Variants in LZIC observed in about 807,000 individuals in gnomAD.
LZIC encodes the protein leucine zipper and CTNNBIP1 domain containing, also known as protein LZIC.
A neutral mutation model predicts 25.4 loss-of-function variants in LZIC; 28 were observed. The ratio of observed to expected loss-of-function variants is 1.10; its 90% CI spans 0.82 to 1.51. The LOEUF is 1.51. Among genes scored for constraint, LZIC ranks in the 40% most tolerant of loss-of-function variants. The pLI, the probability that LZIC is intolerant of heterozygous loss-of-function variation, is 0.00. For synonymous variants in LZIC, 65 were observed against 70.7 expected (o/e 0.92, Z 0.40); for missense variants, 170 against 211.1 (o/e 0.81, Z 1.21).
In LZIC at chr1:9,930,010, G is replaced by C; in HGVS notation, c.*389C>G. The C allele has an allele frequency of 1.0e-6, 1 of 1,001,704 alleles. No homozygotes were observed. The highest frequency in any genetic ancestry group is 1.2e-6 in the Non-Finnish European group (1 of 839,140). 62.1% of individuals were successfully genotyped at this position (1,001,704 alleles called of 1,614,324 possible). ...TGAAGTCTATTGAGCTTGCGTCACT[G>C]TTCACTCCAATGAGTGGGGATAAGT... On this transcript the variant is annotated 3_prime_UTR_variant, in exon 8 of 8. Coordinates refer to ENST00000377223, the MANE Select transcript of LZIC (RefSeq NM_032368.5).
rs777122285 is a variant in LZIC, at chr1:9,926,293, G to T, written c.*4106C>A. On this transcript the variant is annotated 3_prime_UTR_variant, in exon 8 of 8. Coordinates refer to ENST00000377223, the MANE Select transcript of LZIC (RefSeq NM_032368.5). Reference sequence around the variant, plus strand: ...TAAAAAAGAAAAACGTGGACAGAAAGGTGGTTGAAAGGCTCTAGGCAAAAT... The same window carrying T: ...TAAAAAAGAAAAACGTGGACAGAAATGTGGTTGAAAGGCTCTAGGCAAAAT... Among the ~76,000 whole-genome samples, 2 of 152,154 alleles carry T rather than the reference G, an allele frequency of 1.3e-5. No homozygotes were observed. Among genetic ancestry groups the T allele is most frequent in the Non-Finnish European group, 2.9e-5 (2 of 68,030 alleles).
At chr1:9,937,102 A>G (rs2101603015) in intron 2 of LZIC, among the ~76,000 whole-genome samples, 1 of 148,840 alleles carries the variant, frequency 6.7e-6, no homozygotes, top group South Asian at 2.1e-4. Context: ...CCATCTCTAA[A>G]GAGAAAAAAA....
downstream of LZIC, among the ~76,000 whole-genome samples, chr1:9,925,261 C>A (rs1004250025): frequency 1.3e-5 from 2 of 151,984 alleles, no homozygotes; most frequent in Non-Finnish European, 2.9e-5. Context: ...TGCGGCAAGC[C>A]GAGATCGGGC....
intron 2 of LZIC, among the ~76,000 whole-genome samples, chr1:9,942,290 T>C (rs1020797922): frequency 1.3e-5 from 2 of 152,228 alleles, no homozygotes; most frequent in Non-Finnish European, 2.9e-5. Context: ...CGTTATCTCC[T>C]CTGACTAAAC....
At chr1:9,937,092 C>T (rs1570645624) in intron 2 of LZIC, among the ~76,000 whole-genome samples, 1 of 150,734 alleles carries the variant, frequency 6.6e-6, no homozygotes, top group Non-Finnish European at 1.5e-5. Flanking sequence ...GGGGGAAACC[C>T]CATCTCTAAA....
rs1273314154 is a variant in LZIC, at chr1:9,927,707, C to T, written c.*2692G>A. 1.5e-5 allele frequency among the ~76,000 whole-genome samples: 2 copies of T among 134,864 alleles called. No individual in the cohort carries two copies. The highest frequency in any genetic ancestry group is 2.8e-5 in the African/African-American group (1 of 35,464). The allele number at this position is 134,864 out of a possible 152,430, so 88.5% of individuals were successfully genotyped here. On this transcript the variant is annotated 3_prime_UTR_variant, in exon 8 of 8. Coordinates refer to ENST00000377223, the MANE Select transcript of LZIC (RefSeq NM_032368.5). ...TTTTTTTTTTTTTTTTTTTTGAGAC[C>T]GTGTCTCAGTCTGTCGCCCAGGCTG...
At chr1:9,939,931 C>T (rs537707296) in intron 2 of LZIC, among the ~76,000 whole-genome samples, 122 of 151,988 alleles carry the variant, frequency 8.0e-4, no homozygotes, top group African/African-American at 2.7e-3. Context: ...CCAGCCTGGC[C>T]GACACGGCGA....
intron 3 of LZIC, 56 bp from the exon 4 acceptor site, chr1:9,935,683 C>A (rs1640423847): frequency 2.7e-6 from 4 of 1,465,098 alleles, no homozygotes; most frequent in Non-Finnish European, 3.7e-6. Context: ...GTGAAAAATG[C>A]AATCTTAATA....
rs1004764952 is a variant in LZIC at position 9,943,264 on chromosome 1, A to T, written c.-183T>A. ...CCGGGCCTACCTGACAAAAACTGGG[A>T]CAACCTCCTTAGGCCCCCGGGATTC... On this transcript the variant is annotated 5_prime_UTR_variant, in exon 1 of 8. Transcript: ENST00000377223. 1 of 157,088 alleles carries T rather than the reference A, an allele frequency of 6.4e-6. No individual in the cohort carries two copies. 9.7% of individuals were successfully genotyped at this position (157,088 alleles called of 1,614,324 possible).
rs374140215 is a variant in LZIC at position 9,937,512 on chromosome 1, T to C, written c.-8-885A>G. ...GTGAGCTGAGATCACGCCACTGCAC[T>C]CCAGCTTGGGCAACAGAGTGAGACT... On this transcript the variant is annotated intron_variant, in intron 2 of 7. Coordinates refer to ENST00000377223, the MANE Select transcript of LZIC (RefSeq NM_032368.5). Among the ~76,000 whole-genome samples the C allele has an allele frequency of 7.3e-4, 111 of 151,682 alleles. 1 individual carries two copies. Among genetic ancestry groups the C allele is most frequent in the African/African-American group, 2.4e-3 (99 of 41,352 alleles).
rs1640119427 is a variant in LZIC, at chr1:9,929,392, AT to A, written c.*1006del. 1 of 985,370 alleles carries A rather than the reference AT, an allele frequency of 1.0e-6. No individual in the cohort carries two copies. 61.0% of individuals were successfully genotyped at this position (985,370 alleles called of 1,614,324 possible). A position where few individuals can be genotyped will look rare whatever the true frequency, so the allele number is the denominator to read the frequency against. ...CTAAAAAATAAGCTAATATACACGC[AT>A]AGGGACACATCTGCATATTTGAGCA... On this transcript the variant is annotated 3_prime_UTR_variant, in exon 8 of 8. Coordinates refer to ENST00000377223, the MANE Select transcript of LZIC (RefSeq NM_032368.5).
At chr1:9,925,789 C>T (rs1285748357), downstream of LZIC, among the ~76,000 whole-genome samples, 1 of 151,534 alleles carries the variant, frequency 6.6e-6, no homozygotes, top group Non-Finnish European at 1.5e-5. Flanking sequence ...AGGGTTTCAC[C>T]ATATTGGCCA....
downstream of LZIC, chr1:9,922,496 G>C (rs941458294): frequency 3.1e-5 from 6 of 194,646 alleles, no homozygotes; most frequent in Non-Finnish European, 4.7e-5. Context: ...GGGGTAGACC[G>C]AACCTATTGA....
At chr1:9,924,138 G>A (rs1388670856), downstream of LZIC, among the ~76,000 whole-genome samples, 2 of 150,848 alleles carry the variant, frequency 1.3e-5, no homozygotes, top group African/African-American at 2.4e-5. Flanking sequence ...CACCCGCCTC[G>A]GCCTCCCAAA....
At chr1:9,943,118 A>T (rs911141480) in intron 1 of LZIC, 131 bp downstream of exon 1, 1 of 177,296 alleles carries the variant, frequency 5.6e-6, no homozygotes, top group African/African-American at 2.3e-5. Flanking sequence ...CGGCCACCGC[A>T]GCAAATCCCA....
In LZIC at chr1:9,928,165, T is replaced by C. The variant is rs1161861750; in HGVS notation, c.*2234A>G. 6.6e-6 allele frequency among the ~76,000 whole-genome samples: 1 copy of C among 151,712 alleles called. No homozygotes were observed. Among genetic ancestry groups the C allele is most frequent in the African/African-American group, 2.4e-5 (1 of 41,314 alleles). ...CCCCATCTCTACTAAAAACACAAAA[T>C]TAGCCAGGTGTGGTGGCGCATGCCT... On this transcript the variant is annotated 3_prime_UTR_variant, in exon 8 of 8. Transcript: ENST00000377223.
At chr1:9,939,136 G>T (rs959321767) in intron 2 of LZIC, among the ~76,000 whole-genome samples, 5 of 152,052 alleles carry the variant, frequency 3.3e-5, no homozygotes, top group African/African-American at 4.8e-5. Context: ...GGAGTGCGGT[G>T]GCACGATTTC....
In LZIC at chr1:9,941,207, C is replaced by CT. The variant is rs1291971490; in HGVS notation, c.-9+1416dup. 7.5e-4 allele frequency among the ~76,000 whole-genome samples: 111 copies of CT among 148,896 alleles called. 1 individual carries two copies. Among genetic ancestry groups the CT allele is most frequent in the African/African-American group, 1.5e-3 (62 of 40,752 alleles). On this transcript the variant is annotated intron_variant, in intron 2 of 7. Coordinates refer to ENST00000377223, the MANE Select transcript of LZIC (RefSeq NM_032368.5). Reference sequence around the variant, plus strand: ...TTCGTTCGTTCTTTCTTTCCTCTTTCTTTTTTTTTTGATGGCGTCTCACGG... The same window carrying CT: ...TTCGTTCGTTCTTTCTTTCCTCTTTCTTTTTTTTTTTGATGGCGTCTCACGG...
intron 7 of LZIC, 86 bp downstream of exon 7, chr1:9,931,805 G>T: frequency 1.2e-6 from 1 of 837,194 alleles, no homozygotes; most frequent in Non-Finnish European, 1.9e-6. Flanking sequence ...AGGTTATTAT[G>T]TTATTTCAAC....
Sources: allele counts gnomAD v4.1 joint callset (sites outside exome capture counted in the v4.1 genomes callset), GRCh38; gene constraint gnomAD v4.1.1; transcripts MANE v1.5; gene names NCBI Gene and HGNC (gene_info 2026-07-23, HGNC 2026-07-21).